PRKCE: variants seen among roughly 807,000 people sequenced by gnomAD.
PRKCE encodes protein kinase C epsilon type.
PRKCE carries 16 observed loss-of-function variants against 85.4 expected under a neutral mutation model. The ratio of observed to expected loss-of-function variants is 0.19; its 90% confidence interval spans 0.13 to 0.28. PRKCE has a LOEUF of 0.28. PRKCE is among the 10% of genes least tolerant of loss of function. The pLI, the probability that PRKCE is intolerant of heterozygous loss-of-function variation, is 1.00. For missense variants in PRKCE, 573 were observed against 975.2 expected, an observed-to-expected ratio of 0.59 and a Z score of 5.49; for synonymous variants, 388 against 371.5, an observed-to-expected ratio of 1.04 and a Z score of -0.51.
At chr2:45,978,677 A>G (rs914565930) in intron 3 of PRKCE, 9 of 325,536 alleles carry the variant, frequency 2.8e-5, no homozygotes, top group South Asian at 1.4e-4. Flanking sequence ...AGGAGCAAGC[A>G]GGGTCGTTTG....
At chr2:45,929,346 C>G (rs1186098922) in intron 2 of PRKCE, among the ~76,000 whole-genome samples, 2 of 152,226 alleles carry the variant, frequency 1.3e-5, no homozygotes, top group Non-Finnish European at 2.9e-5. Context: ...AGCCGTTCCT[C>G]CCGGCGGAAG....
chr2:45,994,628 T>A (rs1237700024), intron 6 of PRKCE, among the ~76,000 whole-genome samples: 1 of 152,214 alleles, frequency 6.6e-6, no homozygotes, highest in Non-Finnish European at 1.5e-5. Flanking sequence ...AACTCACTTC[T>A]TTTTAAGGCT....
At chr2:46,150,268 A>T (rs1054093172) in intron 12 of PRKCE, among the ~76,000 whole-genome samples, 1 of 152,226 alleles carries the variant, frequency 6.6e-6, no homozygotes, top group Non-Finnish European at 1.5e-5. Flanking sequence ...ACAAGTGACC[A>T]TTGTCAAAGA....
intron 1 of PRKCE, among the ~76,000 whole-genome samples, chr2:45,771,541 G>A (rs778507444): frequency 6.6e-6 from 1 of 152,164 alleles, no homozygotes; most frequent in Non-Finnish European, 1.5e-5. Flanking sequence ...CACACACTCT[G>A]TGGGCCAGGA....
intron 11 of PRKCE, among the ~76,000 whole-genome samples, chr2:46,106,631 A>G (rs1410563517): frequency 1.2e-4 from 18 of 152,126 alleles, no homozygotes; most frequent in South Asian, 4.1e-4. Context: ...CTTTCCTGCT[A>G]CCTCTTTGCA....
chr2:46,166,564 G>A (rs1289987175), intron 14 of PRKCE, among the ~76,000 whole-genome samples: 2 of 152,198 alleles, frequency 1.3e-5, no homozygotes, highest in African/African-American at 4.8e-5. Context: ...GAGAGACTTG[G>A]GTTGGAAGAA....
intron 10 of PRKCE, among the ~76,000 whole-genome samples, chr2:46,057,692 C>A (rs1666725221): frequency 6.6e-6 from 1 of 152,154 alleles, no homozygotes; most frequent in South Asian, 2.1e-4. Context: ...GCTCAGCCTT[C>A]AAATTTTTTT....
chr2:45,826,943 T>C (rs1210333826), intron 1 of PRKCE, among the ~76,000 whole-genome samples: 1 of 152,260 alleles, frequency 6.6e-6, no homozygotes, highest in Admixed American at 6.5e-5. Flanking sequence ...CATAGGCTCC[T>C]AAGTTGCCTT....
At chr2:45,698,287 C>T (rs1678322890) in intron 1 of PRKCE, among the ~76,000 whole-genome samples, 1 of 152,164 alleles carries the variant, frequency 6.6e-6, no homozygotes. Flanking sequence ...TTTCTACCAG[C>T]ATCCTAAAAT....
At chr2:45,957,914 T>C (rs1701080340) in intron 2 of PRKCE, among the ~76,000 whole-genome samples, 1 of 115,278 alleles carries the variant, frequency 8.7e-6, no homozygotes. Context: ...AGACTGTGTC[T>C]CTATTTTTTT....
At chr2:45,661,506 GTTTTGTTTTGTTTTTTGTTTTTTGT>G (rs1675641844) in intron 1 of PRKCE, among the ~76,000 whole-genome samples, 2 of 107,430 alleles carry the variant, frequency 1.9e-5, no homozygotes, top group African/African-American at 6.5e-5. Flanking sequence ...AGTTTTTTTT[GTTTTGTTTTGTTTTTTGTTTTTTGT>G]TTTTTTTTTT....
At chr2:45,866,830 T>C (rs1693655780) in intron 2 of PRKCE, among the ~76,000 whole-genome samples, 1 of 152,230 alleles carries the variant, frequency 6.6e-6, no homozygotes. Context: ...ATTTACATCA[T>C]TGTGGAAAAT....
At chr2:46,150,512 G>C (rs1368904586) in intron 12 of PRKCE, among the ~76,000 whole-genome samples, 1 of 152,194 alleles carries the variant, frequency 6.6e-6, no homozygotes, top group Non-Finnish European at 1.5e-5. Context: ...GGGTGGGGGA[G>C]ACTTATTCAT....
intron 6 of PRKCE, among the ~76,000 whole-genome samples, chr2:45,998,974 T>C (rs559818031): frequency 8.4e-4 from 128 of 152,150 alleles, no homozygotes; most frequent in Non-Finnish European, 1.3e-3. Context: ...TTATCCTAAT[T>C]CCTCCCTGCC....
At chr2:46,053,372 C>T (rs1405877602) in intron 10 of PRKCE, among the ~76,000 whole-genome samples, 1 of 152,196 alleles carries the variant, frequency 6.6e-6, no homozygotes, top group Non-Finnish European at 1.5e-5. Flanking sequence ...CCATCTTAAC[C>T]AGTTTTAAGC....
chr2:45,870,348 C>G (rs755704238), intron 2 of PRKCE, among the ~76,000 whole-genome samples: 1 of 151,118 alleles, frequency 6.6e-6, no homozygotes, highest in Non-Finnish European at 1.5e-5. Context: ...CCTGTGTAGA[C>G]TCAGCTATTA....
chr2:45,708,117 C>T (rs1679273028), intron 1 of PRKCE, among the ~76,000 whole-genome samples: 1 of 152,140 alleles, frequency 6.6e-6, no homozygotes, highest in African/African-American at 2.4e-5. Flanking sequence ...TCTGTCACTC[C>T]TCCCTACGCA....
intron 13 of PRKCE, 94 bp downstream of exon 13, chr2:46,151,323 A>ACC: frequency 4.0e-6 from 4 of 998,758 alleles, no homozygotes; most frequent in South Asian, 1.8e-5. Flanking sequence ...ACACACACAC[A>ACC]CTCCCTTCTC....
chr2:45,990,730 C>T (rs940223997), intron 6 of PRKCE, among the ~76,000 whole-genome samples: 1 of 151,348 alleles, frequency 6.6e-6, no homozygotes, highest in Non-Finnish European at 1.5e-5. Context: ...TCTCGGCTCT[C>T]AGCTCACTGC....
Sources: allele counts gnomAD v4.1 joint callset (sites outside exome capture counted in the v4.1 genomes callset), GRCh38; gene constraint gnomAD v4.1.1; transcripts MANE v1.5; gene names NCBI Gene and HGNC (gene_info 2026-07-23, HGNC 2026-07-21).